Variants in RBFOX1 observed in about 807,000 individuals in gnomAD.
RBFOX1 encodes RNA binding fox-1 homolog 1.
A neutral mutation model predicts 57.7 loss-of-function variants in RBFOX1; 8 were observed. The ratio of observed to expected loss-of-function variants is 0.14; its 90% CI spans 0.08 to 0.25. The LOEUF (loss-of-function observed/expected upper bound fraction) is 0.25, where lower values mean the gene tolerates loss of function less well. Ranked by LOEUF, RBFOX1 falls within the 10% of genes least tolerant of loss-of-function variation. The probability of loss-of-function intolerance (pLI) is 1.00; values close to 1 mark genes in which losing one functional copy is unlikely to be tolerated. For missense variants in RBFOX1, 611 were observed against 548.5 expected (o/e 1.11, Z -1.14); for synonymous variants, 326 against 222.4 (o/e 1.47, Z -4.15).
chr16:7,630,598 C>G lies in RBFOX1; in HGVS notation c.677-5C>G. On this transcript the variant is annotated splice_polypyrimidine_tract_variant and splice_region_variant and intron_variant, in intron 10 of 15. Coordinates refer to ENST00000550418, the MANE Select transcript of RBFOX1 (RefSeq NM_018723.4). ...CCAGATACCATCTCTCTCTCTCTTT[C>G]GTAGGCACGGTCCTGTTGTGCCAGG... 1 of 1,614,086 alleles carries G rather than the reference C, an allele frequency of 6.2e-7. No individual in the cohort carries two copies. Among genetic ancestry groups the G allele is most frequent in the Non-Finnish European group, 8.5e-7 (1 of 1,180,026 alleles).
intron 2 of RBFOX1, among the ~76,000 whole-genome samples, chr16:6,536,885 A>C (rs1382646385): frequency 4.6e-5 from 7 of 152,206 alleles, no homozygotes; most frequent in Non-Finnish European, 8.8e-5. Flanking sequence ...ATCTTAGAAT[A>C]ATTTGGAGAA....
At position 7,712,360 on chromosome 16, in the gene RBFOX1, T is replaced by C. The variant is rs756739678; in HGVS notation, c.*1615T>C. 5 of 152,586 alleles carry C rather than the reference T, an allele frequency of 3.3e-5. No individual in the cohort carries two copies. The highest frequency in any genetic ancestry group is 7.3e-5 in the Non-Finnish European group (5 of 68,070). The allele number at this position is 152,586 out of a possible 1,614,324, so 9.5% of individuals were successfully genotyped here. A position where few individuals can be genotyped will look rare whatever the true frequency, so the allele number is the denominator to read the frequency against. ...CACCGCTGTGAACCTGCCAATCCGC[T>C]GTAACAACTCTGCTTTAAAACAAAA... On this transcript the variant is annotated 3_prime_UTR_variant, in exon 16 of 16. Coordinates refer to ENST00000550418, the MANE Select transcript of RBFOX1 (RefSeq NM_018723.4).
chr16:7,081,268 C>G (rs576463227), intron 4 of RBFOX1, among the ~76,000 whole-genome samples: 26 of 152,332 alleles, frequency 1.7e-4, no homozygotes, highest in Non-Finnish European at 3.2e-4. Context: ...CTGCTGACCT[C>G]AAGTGATCCA....
In RBFOX1 at chr16:6,634,155, G is replaced by A. The variant is rs2098412587; in HGVS notation, c.-63-20448G>A. 2.6e-5 allele frequency among the ~76,000 whole-genome samples: 4 copies of A among 152,132 alleles called. No homozygotes were observed. In the South Asian group the frequency reaches 8.3e-4, roughly 32 times the overall value. On this transcript the variant is annotated intron_variant, in intron 2 of 15. Coordinates refer to ENST00000550418, the MANE Select transcript of RBFOX1 (RefSeq NM_018723.4). ...ATACCAGTTATTGTGAGTAATTCAT[G>A]GAGGTTCAGAATGGGTAGAAAAGTC...
chr16:5,952,018 C>G (rs1202196276), intron 4 of RBFOX1, among the ~76,000 whole-genome samples: 1 of 149,862 alleles, frequency 6.7e-6, no homozygotes, highest in African/African-American at 2.5e-5. Context: ...TATATATATG[C>G]ACACACACAC....
chr16:6,363,616 A>T (rs980115159), intron 2 of RBFOX1, among the ~76,000 whole-genome samples: 1 of 152,258 alleles, frequency 6.6e-6, no homozygotes, highest in African/African-American at 2.4e-5. Context: ...CAGCAGTGAC[A>T]GCACAACAAC....
chr16:5,500,966 G>C (rs2043173678), intron 2 of RBFOX1, among the ~76,000 whole-genome samples: 1 of 152,166 alleles, frequency 6.6e-6, no homozygotes, highest in South Asian at 2.1e-4. Context: ...TTCATGGGCA[G>C]GCATCATAAT....
At chr16:6,256,175 A>ATATATATGTATATATATGTATATATATG (rs1567787725) in intron 1 of RBFOX1, among the ~76,000 whole-genome samples, 2 of 28,312 alleles carry the variant, frequency 7.1e-5, no homozygotes. Context: ...ATATATGTAT[A>ATATATATGTATATATATGTATATATATG]TATATATATA....
At chr16:6,520,784 A>G (rs1169847837) in intron 2 of RBFOX1, among the ~76,000 whole-genome samples, 2 of 152,178 alleles carry the variant, frequency 1.3e-5, no homozygotes, top group Admixed American at 6.5e-5. Flanking sequence ...ATACCAAGCC[A>G]TCTGCTTAAT....
chr16:6,900,535 C>T (rs951302926), intron 3 of RBFOX1, among the ~76,000 whole-genome samples: 3 of 152,186 alleles, frequency 2.0e-5, no homozygotes, highest in Non-Finnish European at 4.4e-5. Flanking sequence ...TCTCTCAACA[C>T]TCATCTGCTT....
At chr16:7,346,143 C>G (rs2096998683) in intron 4 of RBFOX1, among the ~76,000 whole-genome samples, 1 of 152,156 alleles carries the variant, frequency 6.6e-6, no homozygotes, top group South Asian at 2.1e-4. Context: ...CGTGTCCCTA[C>G]AAAGGACATG....
intron 1 of RBFOX1, among the ~76,000 whole-genome samples, chr16:6,081,667 T>G (rs2096003826): frequency 6.6e-6 from 1 of 152,216 alleles, no homozygotes. Context: ...TTTTATTTAT[T>G]TATTTATTTT....
chr16:6,418,204 C>A (rs976505914), intron 2 of RBFOX1, among the ~76,000 whole-genome samples: 1 of 152,170 alleles, frequency 6.6e-6, no homozygotes, highest in Non-Finnish European at 1.5e-5. Context: ...CGAAGGGTAG[C>A]TGAGGCTTGG....
intron 5 of RBFOX1, among the ~76,000 whole-genome samples, chr16:7,559,879 A>G (rs1023310805): frequency 6.6e-6 from 1 of 152,228 alleles, no homozygotes; most frequent in Non-Finnish European, 1.5e-5. Context: ...ATGAAGTAAC[A>G]TGTCCAAGGT....
chr16:6,204,857 A>T (rs2097243408), intron 1 of RBFOX1, among the ~76,000 whole-genome samples: 1 of 152,162 alleles, frequency 6.6e-6, no homozygotes. Flanking sequence ...CAAAAAGGGC[A>T]TTCCAAAAGA....
intron 2 of RBFOX1, among the ~76,000 whole-genome samples, chr16:6,528,085 C>T (rs538722127): frequency 6.6e-6 from 1 of 152,282 alleles, no homozygotes; most frequent in South Asian, 2.1e-4. Context: ...ATCTTGTCAC[C>T]TTCAGGAAAC....
At chr16:5,926,828 T>G (rs1305845948) in intron 4 of RBFOX1, among the ~76,000 whole-genome samples, 41 of 152,234 alleles carry the variant, frequency 2.7e-4, no homozygotes, top group Non-Finnish European at 1.5e-5. Context: ...GAGTGATTCC[T>G]TTCCTCCTAC....
At chr16:6,724,524 G>C (rs957574083) in intron 3 of RBFOX1, among the ~76,000 whole-genome samples, 1 of 152,048 alleles carries the variant, frequency 6.6e-6, no homozygotes, top group African/African-American at 2.4e-5. Flanking sequence ...TTCTGTGGAC[G>C]AGGAAGCAGG....
At chr16:6,725,490 G>A (rs2154168376) in intron 3 of RBFOX1, among the ~76,000 whole-genome samples, 1 of 152,150 alleles carries the variant, frequency 6.6e-6, no homozygotes, top group South Asian at 2.1e-4. Context: ...CAGCCTTAGG[G>A]GATGAACCCT....
Sources: gnomAD v4.1 joint callset for allele counts (sites outside exome capture counted in the v4.1 genomes callset) on GRCh38, gnomAD v4.1.1 for gene constraint, MANE v1.5 for transcripts, NCBI Gene and HGNC (gene_info 2026-07-23, HGNC 2026-07-21) for gene names.